Variants in PRKCB observed in about 807,000 individuals in gnomAD.
PRKCB encodes protein kinase C beta.
PRKCB carries 13 observed loss-of-function variants against 81.5 expected under a neutral mutation model. The observed-to-expected ratio is 0.16, with a 90% CI of 0.10 to 0.25. The LOEUF (loss-of-function observed/expected upper bound fraction) is 0.25, where lower values mean the gene tolerates loss of function less well. Ranked by LOEUF, PRKCB falls within the 10% of genes least tolerant of loss-of-function variation. The pLI, the probability that PRKCB is intolerant of heterozygous loss-of-function variation, is 1.00. For missense variants in PRKCB, 509 were observed against 875.7 expected, an observed-to-expected ratio of 0.58 and a Z score of 5.29; for synonymous variants, 335 against 321.4, an observed-to-expected ratio of 1.04 and a Z score of -0.45.
chr16:24,209,148 A>G (rs564118269), intron 16 of PRKCB, among the ~76,000 whole-genome samples: 1 of 152,216 alleles, frequency 6.6e-6, no homozygotes, highest in East Asian at 1.9e-4. Flanking sequence ...ATGGTCCCTG[A>G]AGATGCTCTG....
chr16:23,919,274 A>G (rs1367406312), intron 2 of PRKCB, among the ~76,000 whole-genome samples: 1 of 152,196 alleles, frequency 6.6e-6, no homozygotes, highest in Non-Finnish European at 1.5e-5. Context: ...TCCCTAGGAT[A>G]CATCCAAAAC....
intron 2 of PRKCB, among the ~76,000 whole-genome samples, chr16:23,849,227 T>A (rs1040758096): frequency 6.6e-6 from 1 of 152,250 alleles, no homozygotes; most frequent in African/African-American, 2.4e-5. Context: ...TTAAATAGAT[T>A]TGTGACCATT....
intron 16 of PRKCB, among the ~76,000 whole-genome samples, chr16:24,208,825 T>A (rs1467109201): frequency 6.6e-6 from 1 of 152,148 alleles, no homozygotes; most frequent in African/African-American, 2.4e-5. Flanking sequence ...CAGTGACAGC[T>A]CCATTTGAAA....
intron 2 of PRKCB, among the ~76,000 whole-genome samples, chr16:23,977,931 T>C (rs912784795): frequency 6.6e-6 from 1 of 152,144 alleles, no homozygotes; most frequent in Non-Finnish European, 1.5e-5. Context: ...AGCTCATTCA[T>C]TCATTCATTC....
At chr16:24,032,269 G>T in intron 4 of PRKCB, 22 bp downstream of exon 4, 2 of 1,543,824 alleles carry the variant, frequency 1.3e-6, no homozygotes, top group Non-Finnish European at 1.8e-6. Flanking sequence ...TTCTCTCTGG[G>T]GGCATCTGCT....
intron 2 of PRKCB, among the ~76,000 whole-genome samples, chr16:23,932,937 GA>G (rs1963998948): frequency 6.6e-6 from 1 of 152,184 alleles, no homozygotes; most frequent in Non-Finnish European, 1.5e-5. Flanking sequence ...AATCTTTCTG[GA>G]GGGAGAATTT....
At chr16:23,892,868 C>A (rs1024172483) in intron 2 of PRKCB, 5 of 152,126 alleles carry the variant, frequency 3.3e-5, no homozygotes, top group Admixed American at 6.5e-5. Context: ...CAGCCTATCA[C>A]CTATCTCAGG....
intron 3 of PRKCB, among the ~76,000 whole-genome samples, chr16:24,000,069 T>C (rs1965011937): frequency 1.3e-5 from 2 of 152,238 alleles, no homozygotes; most frequent in Non-Finnish European, 2.9e-5. Context: ...TAAGCCTTTG[T>C]ATCATGTTTG....
At chr16:23,933,876 CCAT>C (rs1437329102) in intron 2 of PRKCB, among the ~76,000 whole-genome samples, 1 of 141,664 alleles carries the variant, frequency 7.1e-6, no homozygotes, top group Non-Finnish European at 1.5e-5. Flanking sequence ...ATCCATCCAT[CCAT>C]CATCTTGTTT....
chr16:23,959,552 C>G (rs1313105683), intron 2 of PRKCB, among the ~76,000 whole-genome samples: 1 of 152,220 alleles, frequency 6.6e-6, no homozygotes, highest in East Asian at 1.9e-4. Flanking sequence ...GGAAAGCCTT[C>G]TTGCTAAATC....
intron 9 of PRKCB, among the ~76,000 whole-genome samples, chr16:24,152,031 T>C (rs1967088135): frequency 4.6e-5 from 7 of 152,100 alleles, no homozygotes; most frequent in Admixed American, 3.3e-4. Context: ...GAATGGGAGA[T>C]AGTTGCAGAT....
At chr16:24,203,747 C>G (rs909415863) in intron 16 of PRKCB, among the ~76,000 whole-genome samples, 1 of 152,178 alleles carries the variant, frequency 6.6e-6, no homozygotes, top group East Asian at 1.9e-4. Flanking sequence ...AATGCCCCCC[C>G]AAATGGCATA....
rs1447398725 is a variant in PRKCB at position 24,215,622 on chromosome 16, CTGT to C, written c.*814_*816del. The C allele has an allele frequency of 8.1e-6, 8 of 983,658 alleles. No individual in the cohort carries two copies. Among genetic ancestry groups the C allele is most frequent in the Non-Finnish European group, 8.4e-6 (7 of 829,466 alleles). The allele number at this position is 983,658 out of a possible 1,614,324, so 60.9% of individuals were successfully genotyped here. On this transcript the variant is annotated 3_prime_UTR_variant, in exon 17 of 17. Transcript: ENST00000643927. ...CTTTATTTGCTTTGGGGTTTTGTTT[CTGT>C]TGTTGTTCAAATGCAAAAAAAAGAA... is the stretch of plus-strand genomic sequence containing the variant.
chr16:23,904,524 A>G (rs1391263175), intron 2 of PRKCB, among the ~76,000 whole-genome samples: 2 of 152,066 alleles, frequency 1.3e-5, no homozygotes, highest in Non-Finnish European at 2.9e-5. Flanking sequence ...TTAGCCAGAC[A>G]TGGTTGTGGG....
intron 3 of PRKCB, among the ~76,000 whole-genome samples, chr16:23,994,305 C>T (rs1349343668): frequency 5.9e-5 from 9 of 152,006 alleles, no homozygotes; most frequent in Admixed American, 5.9e-4. Context: ...CCAGTGAGTC[C>T]CCAAACACAT....
chr16:23,994,175 T>C (rs1343491400), intron 3 of PRKCB, among the ~76,000 whole-genome samples: 1 of 152,192 alleles, frequency 6.6e-6, no homozygotes. Flanking sequence ...TGAACACTAG[T>C]TCTGAACTGA....
At chr16:24,071,839 G>A (rs546386711) in intron 5 of PRKCB, among the ~76,000 whole-genome samples, 15 of 152,110 alleles carry the variant, frequency 9.9e-5, no homozygotes, top group African/African-American at 1.2e-4. Context: ...CGAAGAGGGC[G>A]TTGAGTTGCA....
chr16:24,189,811 G>T (rs1967762629), intron 15 of PRKCB, among the ~76,000 whole-genome samples: 1 of 152,222 alleles, frequency 6.6e-6, no homozygotes, highest in Non-Finnish European at 1.5e-5. Flanking sequence ...GTGTAGGAAT[G>T]AATTTCTGGG....
intron 7 of PRKCB, among the ~76,000 whole-genome samples, chr16:24,097,760 C>G (rs757459150): frequency 1.3e-5 from 2 of 152,114 alleles, no homozygotes; most frequent in Non-Finnish European, 2.9e-5. Context: ...GGCAGGACAA[C>G]TAAAAGTGGG....
Sources: allele counts gnomAD v4.1 joint callset (sites outside exome capture counted in the v4.1 genomes callset), GRCh38; gene constraint gnomAD v4.1.1; transcripts MANE v1.5; gene names NCBI Gene and HGNC (gene_info 2026-07-23, HGNC 2026-07-21).